The following TENM1 variants were observed in gnomAD, a reference collection of about 807,000 sequenced individuals.
TENM1 encodes teneurin-1.
In TENM1, 35 loss-of-function variants were observed where a neutral mutation model predicts 174.8. That is an observed-to-expected ratio of 0.20 (90% CI 0.15 to 0.27). The LOEUF (loss-of-function observed/expected upper bound fraction) is 0.27, where lower values mean the gene tolerates loss of function less well. TENM1 is among the 10% of genes least tolerant of loss of function. The pLI, the probability that TENM1 is intolerant of heterozygous loss-of-function variation, is 1.00. For missense variants in TENM1, 1,633 were observed against 2,130.1 expected, an observed-to-expected ratio of 0.77 and a Z score of 4.59; for synonymous variants, 781 against 798.7, an observed-to-expected ratio of 0.98 and a Z score of 0.37.
the TENM1 span, among the ~76,000 whole-genome samples, chrX:125,127,631 A>G: frequency 9.0e-6 from 1 of 111,334 alleles, no homozygotes; most frequent in Non-Finnish European, 1.9e-5. Context: ...AGGCAGCCCC[A>G]TCCAGGTGGC....
intron 5 of TENM1, among the ~76,000 whole-genome samples, chrX:124,678,753 A>T (rs973094839): frequency 3.6e-5 from 4 of 111,451 alleles, no homozygotes; most frequent in Non-Finnish European, 7.6e-5. Context: ...GGCCTACAAA[A>T]TTATCTTCAA....
At chrX:125,038,331 C>T in the TENM1 span, among the ~76,000 whole-genome samples, 3 of 110,079 alleles carry the variant, frequency 2.7e-5, no homozygotes, top group East Asian at 2.9e-4. Flanking sequence ...AGTTCTGTGA[C>T]GTCGGTCAGG....
chrX:124,884,523 G>A (rs1251894751), intron 3 of TENM1, among the ~76,000 whole-genome samples: 1 of 111,026 alleles, frequency 9.0e-6, no homozygotes, highest in Non-Finnish European at 1.9e-5. Flanking sequence ...AGTTCACAGT[G>A]AGACTGCTGG....
chrX:124,908,008 T>C (rs2057776507), intron 1 of TENM1, among the ~76,000 whole-genome samples: 1 of 112,019 alleles, frequency 8.9e-6, no homozygotes, highest in Non-Finnish European at 1.9e-5. Context: ...AAGCACAAGA[T>C]TTTTAATTTA....
At chrX:124,643,151 T>C (rs999226371) in intron 10 of TENM1, among the ~76,000 whole-genome samples, 2 of 112,079 alleles carry the variant, frequency 1.8e-5, no homozygotes, top group Non-Finnish European at 3.8e-5. Flanking sequence ...GTCCAAAGTA[T>C]AGAATCTGTT....
In TENM1 at chrX:124,391,967, G is replaced by T; in HGVS notation, c.5688+85C>A. 3 of 778,262 alleles carry T rather than the reference G, an allele frequency of 3.9e-6. No homozygotes were observed. In the South Asian group the frequency reaches 7.8e-5, roughly 20 times the overall value. 64.1% of individuals were successfully genotyped at this position (778,262 alleles called of 1,213,427 possible). On this transcript the variant is annotated intron_variant, in intron 28 of 31. Coordinates refer to ENST00000422452, the Ensembl canonical transcript of TENM1. ...TGGAACACAGACTTTTCTCCTGCAG[G>T]TCCTCACCAAGATGGACAATTAGGG...
At chrX:124,646,912 T>C (rs1353741978) in intron 8 of TENM1, 102 bp from the exon 12 acceptor site, 1 of 548,964 alleles carries the variant, frequency 1.8e-6, no homozygotes, top group East Asian at 3.8e-5. Context: ...ATGACAATTT[T>C]GCCCTTTGCT....
intron 3 of TENM1, among the ~76,000 whole-genome samples, chrX:124,809,551 A>G (rs2055703033): frequency 8.9e-6 from 1 of 111,775 alleles, no homozygotes; most frequent in African/African-American, 3.2e-5. Flanking sequence ...AATTTGATAC[A>G]TTACATTAAG....
intron 3 of TENM1, among the ~76,000 whole-genome samples, chrX:124,882,600 G>A (rs1239371738): frequency 2.7e-5 from 3 of 112,013 alleles, no homozygotes; most frequent in East Asian, 2.8e-4. Context: ...CATAATTCTC[G>A]CTAAAGTGAT....
chrX:125,092,033 G>C, the TENM1 span, among the ~76,000 whole-genome samples: 1 of 107,335 alleles, frequency 9.3e-6, no homozygotes, highest in African/African-American at 3.4e-5. Context: ...TAGAGCTTGG[G>C]ATAAATTCAC....
At chrX:124,995,679 C>T in the TENM1 span, among the ~76,000 whole-genome samples, 3 of 111,180 alleles carry the variant, frequency 2.7e-5, no homozygotes, top group Admixed American at 2.9e-4. Context: ...AAATCATATG[C>T]CTTGAAGAAG....
intron 15 of TENM1, among the ~76,000 whole-genome samples, chrX:124,543,592 C>G (rs538173419): frequency 1.8e-5 from 2 of 112,414 alleles, no homozygotes; most frequent in African/African-American, 6.5e-5. Flanking sequence ...AATGCTTAGA[C>G]ACTAAAGATC....
At chrX:124,983,298 C>T in the TENM1 span, among the ~76,000 whole-genome samples, 1 of 111,810 alleles carries the variant, frequency 8.9e-6, no homozygotes, top group Admixed American at 9.5e-5. Flanking sequence ...CACTCACTTC[C>T]TCATTGTTCG....
chrX:125,100,164 G>A, the TENM1 span, among the ~76,000 whole-genome samples: 1 of 111,880 alleles, frequency 8.9e-6, no homozygotes, highest in East Asian at 2.8e-4. Context: ...GTATGTGTAT[G>A]TATATCTAGA....
chrX:124,829,967 TCAAA>T (rs767872439), intron 3 of TENM1, among the ~76,000 whole-genome samples: 84 of 112,390 alleles, frequency 7.5e-4, no homozygotes, highest in African/African-American at 2.5e-3. Flanking sequence ...CCCCCGTACC[TCAAA>T]CATAGTACTA....
intron 27 of TENM1, among the ~76,000 whole-genome samples, chrX:124,398,740 A>G (rs996525105): frequency 3.6e-5 from 4 of 111,413 alleles, no homozygotes; most frequent in Non-Finnish European, 7.5e-5. Context: ...CAATTTAATG[A>G]GTTTTGACAG....
At chrX:124,477,095 T>C (rs752939477) in intron 22 of TENM1, among the ~76,000 whole-genome samples, 2 of 112,332 alleles carry the variant, frequency 1.8e-5, no homozygotes, top group South Asian at 7.4e-4. Context: ...GACGCTTCCA[T>C]TTTTCCTTCA....
intron 6 of TENM1, among the ~76,000 whole-genome samples, chrX:124,663,422 A>G (rs967942724): frequency 3.6e-5 from 4 of 112,447 alleles, no homozygotes; most frequent in African/African-American, 1.3e-4. Context: ...TCAAGTAACT[A>G]GAATTACATT....
At chrX:124,975,956 C>T in the TENM1 span, among the ~76,000 whole-genome samples, 2 of 110,792 alleles carry the variant, frequency 1.8e-5, no homozygotes, top group African/African-American at 6.5e-5. Flanking sequence ...TGGGGAAATA[C>T]CTACTATCAT....
Sources: allele counts gnomAD v4.1 joint callset (sites outside exome capture counted in the v4.1 genomes callset), GRCh38; gene constraint gnomAD v4.1.1; transcripts MANE v1.5; gene names NCBI Gene and HGNC (gene_info 2026-07-23, HGNC 2026-07-21).